Variants in DYM observed in about 807,000 individuals in gnomAD.
DYM encodes the protein dyggve-Melchior-Clausen syndrome protein.
In DYM, 78 loss-of-function variants were observed where a neutral mutation model predicts 93.1. That is an observed-to-expected ratio of 0.84 (90% CI 0.70 to 1.01). DYM has a LOEUF of 1.01. DYM is among the 50% of genes least tolerant of loss of function. DYM has a pLI of 0.00. For missense variants in DYM, 789 were observed against 845.0 expected, an observed-to-expected ratio of 0.93 and a Z score of 0.82; for synonymous variants, 321 against 319.7, an observed-to-expected ratio of 1.00 and a Z score of -0.04.
At chr18:49,109,016 A>G (rs2081147019) in intron 16 of DYM, among the ~76,000 whole-genome samples, 1 of 149,744 alleles carries the variant, frequency 6.7e-6, no homozygotes, top group African/African-American at 2.4e-5. Context: ...CTATTAATAT[A>G]GTCATCCTAC....
chr18:49,409,143 G>A (rs1278957864), intron 2 of DYM, among the ~76,000 whole-genome samples: 2 of 151,874 alleles, frequency 1.3e-5, no homozygotes, highest in African/African-American at 4.8e-5. Context: ...AATTAGCCGA[G>A]CATGGTGGCT....
chr18:49,193,092 T>G (rs1007966303), intron 14 of DYM, among the ~76,000 whole-genome samples: 1 of 152,196 alleles, frequency 6.6e-6, no homozygotes. Flanking sequence ...GTGATGGATA[T>G]GCTAACTAGC....
intron 13 of DYM, among the ~76,000 whole-genome samples, chr18:49,218,099 G>A (rs1403388121): frequency 6.6e-6 from 1 of 152,118 alleles, no homozygotes; most frequent in African/African-American, 2.4e-5. Context: ...GGCAGGGGTT[G>A]CAATCCTAGT....
At chr18:49,216,721 C>A (rs1335951994) in intron 13 of DYM, among the ~76,000 whole-genome samples, 1 of 152,152 alleles carries the variant, frequency 6.6e-6, no homozygotes, top group Non-Finnish European at 1.5e-5. Flanking sequence ...AACTAACAAA[C>A]AGAAAGGACA....
At chr18:49,167,664 T>A (rs1014198570) in intron 14 of DYM, among the ~76,000 whole-genome samples, 2 of 152,162 alleles carry the variant, frequency 1.3e-5, no homozygotes, top group Non-Finnish European at 2.9e-5. Flanking sequence ...CCCAGCTTAA[T>A]GCTAATCAGA....
intron 6 of DYM, among the ~76,000 whole-genome samples, chr18:49,355,408 TGATA>T (rs891794639): frequency 2.0e-5 from 3 of 152,108 alleles, no homozygotes; most frequent in South Asian, 2.1e-4. Context: ...ATTGATACAC[TGATA>T]GATACAATTG....
At chr18:49,067,210 GCA>G (rs2076484386) in intron 17 of DYM, among the ~76,000 whole-genome samples, 1 of 44,684 alleles carries the variant, frequency 2.2e-5, no homozygotes, top group African/African-American at 8.8e-5. Context: ...GGTGATGTGA[GCA>G]CTATGCAGGT....
At chr18:49,329,779 T>A (rs2063181630) in intron 8 of DYM, 1 of 152,252 alleles carries the variant, frequency 6.6e-6, no homozygotes, top group South Asian at 2.1e-4. Context: ...GCTTGCTATA[T>A]CCAGGAAAAC....
At chr18:49,250,731 C>T (rs187138261) in intron 13 of DYM, among the ~76,000 whole-genome samples, 8 of 152,226 alleles carry the variant, frequency 5.3e-5, no homozygotes, top group African/African-American at 1.9e-4. Flanking sequence ...GAAAAACCTA[C>T]AGAAAAAAAG....
chr18:49,322,045 C>T (rs1042111910), intron 8 of DYM, among the ~76,000 whole-genome samples: 1 of 151,996 alleles, frequency 6.6e-6, no homozygotes, highest in Non-Finnish European at 1.5e-5. Context: ...ATACCATACC[C>T]ATCACAATGA....
intron 14 of DYM, among the ~76,000 whole-genome samples, chr18:49,203,496 T>C (rs2092270873): frequency 6.7e-6 from 1 of 148,468 alleles, no homozygotes; most frequent in Non-Finnish European, 1.5e-5. Flanking sequence ...CTTTTCATTT[T>C]GTTCTGCACT....
intron 6 of DYM, among the ~76,000 whole-genome samples, chr18:49,344,107 A>G (rs1292739244): frequency 1.3e-5 from 2 of 152,220 alleles, no homozygotes; most frequent in Non-Finnish European, 2.9e-5. Context: ...GGTATTGAAG[A>G]TGACTGATGT....
intron 6 of DYM, among the ~76,000 whole-genome samples, chr18:49,355,821 CTT>C (rs1390035541): frequency 2.0e-5 from 3 of 151,718 alleles, no homozygotes; most frequent in South Asian, 2.1e-4. Flanking sequence ...AATATAAAGA[CTT>C]ATTTTTTCAA....
chr18:49,206,888 A>G (rs2092542764), intron 14 of DYM, among the ~76,000 whole-genome samples: 1 of 152,202 alleles, frequency 6.6e-6, no homozygotes, highest in African/African-American at 2.4e-5. Flanking sequence ...GTTCCAGGAA[A>G]GGTGTTGAAA....
chr18:49,289,380 T>G (rs1206277372), intron 8 of DYM, among the ~76,000 whole-genome samples: 1 of 91,634 alleles, frequency 1.1e-5, no homozygotes, highest in Non-Finnish European at 2.3e-5. Flanking sequence ...AACAAAAGGA[T>G]TTTTTTAAAA....
At chr18:49,331,747 A>G (rs1177813827) in intron 8 of DYM, 117 bp downstream of exon 8, 12 of 1,111,908 alleles carry the variant, frequency 1.1e-5, no homozygotes, top group Non-Finnish European at 1.6e-5. Flanking sequence ...ACATTGAACC[A>G]GCTGCACAAA....
chr18:49,156,625 G>C (rs2086474541), intron 15 of DYM, among the ~76,000 whole-genome samples: 1 of 151,438 alleles, frequency 6.6e-6, no homozygotes, highest in Non-Finnish European at 1.5e-5. Context: ...CCAGCTACTT[G>C]GGAGGCTGAG....
chr18:49,447,917 C>CT (rs1354450743), intron 1 of DYM, among the ~76,000 whole-genome samples: 1 of 152,160 alleles, frequency 6.6e-6, no homozygotes, highest in Non-Finnish European at 1.5e-5. Flanking sequence ...GAGAATCTCT[C>CT]TTTCTCTGCC....
At position 49,176,405 on chromosome 18, in the gene DYM, AT is replaced by A. The variant is rs1330947235; in HGVS notation, c.1626-12619del. 2.0e-5 allele frequency among the ~76,000 whole-genome samples: 3 copies of A among 151,160 alleles called. No individual in the cohort carries two copies. The East Asian group carries it at 5.8e-4, about 29-fold the overall frequency. ...TCATTTGTGTTTTTAACATAAGCACATTTTTTTTCAATTTTTTTTTTAAGAA... is the reference window on the plus strand; with the variant it reads ...TCATTTGTGTTTTTAACATAAGCACATTTTTTTCAATTTTTTTTTTAAGAA... On this transcript the variant is annotated intron_variant, in intron 14 of 17. Transcript: ENST00000675505.
Sources: gnomAD v4.1 joint callset for allele counts (sites outside exome capture counted in the v4.1 genomes callset) on GRCh38, gnomAD v4.1.1 for gene constraint, MANE v1.5 for transcripts, NCBI Gene and HGNC (gene_info 2026-07-23, HGNC 2026-07-21) for gene names.